KIFC2: variants seen among roughly 807,000 people sequenced by gnomAD.
The protein encoded by KIFC2 is kinesin family member C2.
Under a neutral mutation model 91.5 loss-of-function variants are expected in KIFC2, and 94 were observed. The ratio of observed to expected loss-of-function variants is 1.03; its 90% CI spans 0.87 to 1.22. The LOEUF (loss-of-function observed/expected upper bound fraction) is 1.22. KIFC2 is among the 50% of genes most tolerant of loss of function. The pLI is 0.00. For missense variants in KIFC2, 1,357 were observed against 1,103.3 expected (o/e 1.23, Z -3.26); for synonymous variants, 729 against 503.9 (o/e 1.45, Z -5.98).
chr8:144,473,719 A>C lies in KIFC2; in HGVS notation c.*330A>C. On this transcript the variant is annotated 3_prime_UTR_variant, in exon 18 of 18. Coordinates refer to ENST00000645548, the MANE Select transcript of KIFC2 (RefSeq NM_001369769.2). ...CCAAGTCACCACTCCTGACCCAAAAATCAGGCATGGCATTAAAACGTTGCA... is the reference window on the plus strand; with the variant it reads ...CCAAGTCACCACTCCTGACCCAAAACTCAGGCATGGCATTAAAACGTTGCA... The C allele has an allele frequency of 7.9e-5, 33 of 417,608 alleles. No individual in the cohort carries two copies. Among genetic ancestry groups the C allele is most frequent in the Non-Finnish European group, 1.1e-4 (25 of 235,872 alleles). The allele number at this position is 417,608 out of a possible 1,614,324, so 25.9% of individuals were successfully genotyped here. A position where few individuals can be genotyped will look rare whatever the true frequency, so the allele number is the denominator to read the frequency against.
chr8:144,467,605 G>A lies in KIFC2; in HGVS notation c.590G>A (p.Arg197Gln). The A allele has an allele frequency of 3.1e-6, 5 of 1,596,980 alleles. No homozygotes were observed. The East Asian group carries it at 6.7e-5, about 21-fold the overall frequency. The change falls in exon 5 of 18, where the codon CGG becomes CAG. Residue 197 changes from arginine (R) to glutamine (Q), a missense_variant. Physicochemically the swap from Arg to Gln is conservative, Grantham distance 43. Transcript: ENST00000645548. ...GAGGAGGATCAGAGGGCGTGGCAGC[G>A]GCTGGAGCAGCTCATCCTGGGACAG... ...QLEEDQRAWQ[R>Q]LEQLILGQLE...
At position 144,473,636 on chromosome 8, in the gene KIFC2, A is replaced by G; in HGVS notation, c.*247A>G. ...AGGTCTTGGCTTTCTCCTTATCACCATTTGCTGTTATCACGGCACACAGCA... is the reference window on the plus strand; with the variant it reads ...AGGTCTTGGCTTTCTCCTTATCACCGTTTGCTGTTATCACGGCACACAGCA... On this transcript the variant is annotated 3_prime_UTR_variant, in exon 18 of 18. Coordinates refer to ENST00000645548, the MANE Select transcript of KIFC2 (RefSeq NM_001369769.2). 2.0e-6 allele frequency: 1 copy of G among 508,514 alleles called. No homozygotes were observed. Among genetic ancestry groups the G allele is most frequent in the East Asian group, 3.5e-5 (1 of 28,354 alleles). 31.5% of individuals were successfully genotyped at this position (508,514 alleles called of 1,614,324 possible). A position where few individuals can be genotyped will look rare whatever the true frequency, so the allele number is the denominator to read the frequency against.
Position 144,473,857 on chromosome 8 carries a change from G to A in KIFC2, c.*468G>A. 5.2e-6 allele frequency: 2 copies of A among 386,978 alleles called. No individual in the cohort carries two copies. The highest frequency in any genetic ancestry group is 9.3e-6 in the Non-Finnish European group (2 of 214,874). The allele number at this position is 386,978 out of a possible 1,614,324, so 24.0% of individuals were successfully genotyped here. A position where few individuals can be genotyped will look rare whatever the true frequency, so the allele number is the denominator to read the frequency against. On this transcript the variant is annotated 3_prime_UTR_variant, in exon 18 of 18. Transcript: ENST00000645548. ...CTCCTTTCCAGACAGATGAGAGAGG[G>A]CAGGACTTCAGGCTGGATCCACCAC...
intron 12 of KIFC2, 107 bp from the exon 13 acceptor site, chr8:144,471,835 A>T: frequency 1.1e-6 from 1 of 920,910 alleles, no homozygotes; most frequent in Non-Finnish European, 1.8e-6. Flanking sequence ...CTCCCAGGAG[A>T]CTAGGCTCTG....
chr8:144,473,917 G>T lies in KIFC2; in HGVS notation c.*528G>T. 1 of 435,370 alleles carries T rather than the reference G, an allele frequency of 2.3e-6. No individual in the cohort carries two copies. The highest frequency in any genetic ancestry group is 4.1e-6 in the Non-Finnish European group (1 of 244,270). 27.0% of individuals were successfully genotyped at this position (435,370 alleles called of 1,614,324 possible). The stretch of plus-strand genomic sequence containing the variant: ...CCTCCCCCAGCCTGGAGCACGGGAG[G>T]GGAGGTGACGGCTGGTGACTGATGG... On this transcript the variant is annotated 3_prime_UTR_variant, in exon 18 of 18. Coordinates refer to ENST00000645548, the MANE Select transcript of KIFC2 (RefSeq NM_001369769.2).
chr8:144,469,542 G>A lies in KIFC2; in HGVS notation c.1275G>A (p.Val425=). The change falls in exon 12 of 18, where the codon GTG becomes GTA. Residue 425 remains valine, a synonymous_variant. Coordinates refer to ENST00000645548, the MANE Select transcript of KIFC2 (RefSeq NM_001369769.2). ...RLRPGTSSSL[V]SVEPGPGGTV... The stretch of plus-strand genomic sequence containing the variant: ...GGCCAGGGACATCTTCTAGCCTTGT[G>A]AGTGTGGAGCCTGGCCCAGGGGGCA... The A allele has an allele frequency of 1.2e-6, 2 of 1,613,872 alleles. No individual in the cohort carries two copies. The highest frequency in any genetic ancestry group is 1.7e-6 in the Non-Finnish European group (2 of 1,180,002).
At chr8:144,466,621 G>A in intron 1 of KIFC2, 103 bp downstream of exon 1, 1 of 862,902 alleles carries the variant, frequency 1.2e-6, no homozygotes, top group Non-Finnish European at 1.6e-6. Flanking sequence ...GGGCGACGGG[G>A]CCGTGCCGAG....
intron 11 of KIFC2, 38 bp from the exon 12 acceptor site, chr8:144,469,452 G>A: frequency 2.5e-6 from 4 of 1,613,658 alleles, no homozygotes; most frequent in Non-Finnish European, 2.5e-6. Flanking sequence ...GTGCTTTAGG[G>A]TCTGCGAGGC....
At position 144,467,981 on chromosome 8, in the gene KIFC2, TCCGCAGGTACTCTGCTC is replaced by T; in HGVS notation, c.808_810+14del. On this transcript the variant is annotated splice_donor_variant and splice_donor_5th_base_variant and coding_sequence_variant and intron_variant, in exon 7 of 18. Coordinates refer to ENST00000645548, the MANE Select transcript of KIFC2 (RefSeq NM_001369769.2). LOFTEE classifies it high-confidence loss of function. The stretch of plus-strand genomic sequence containing the variant: ...GGGGCCCCGGGCCCCCCATCAGGGC[TCCGCAGGTACTCTGCTC>T]CCGAGCTGCAGCCGTTCCTGCAGCC... 2 of 1,562,718 alleles carry T rather than the reference TCCGCAGGTACTCTGCTC, an allele frequency of 1.3e-6. No homozygotes were observed. Among genetic ancestry groups the T allele is most frequent in the Non-Finnish European group, 1.7e-6 (2 of 1,160,802 alleles).
At chr8:144,469,679 C>G (rs548505922) in intron 12 of KIFC2, 32 bp downstream of exon 12, 4 of 1,553,970 alleles carry the variant, frequency 2.6e-6, no homozygotes, top group Non-Finnish European at 3.5e-6. Context: ...CATCCTGACC[C>G]TTTTTCAGAG....
chr8:144,468,936 C>T lies in KIFC2; in HGVS notation c.1113+102C>T, dbSNP rs552248000. On this transcript the variant is annotated intron_variant, in intron 10 of 17. Coordinates refer to ENST00000645548, the MANE Select transcript of KIFC2 (RefSeq NM_001369769.2). ...GAGTTGGCTGTACTAATAAGTGGGG[C>T]TCTGGAACCCAAACAGCTTCTGTGT... The T allele has an allele frequency of 1.5e-5, 14 of 911,694 alleles. No homozygotes were observed. In the African/African-American group the frequency reaches 2.2e-4, roughly 14 times the overall value. The allele number at this position is 911,694 out of a possible 1,614,324, so 56.5% of individuals were successfully genotyped here.
chr8:144,473,310 C>A lies in KIFC2; in HGVS notation c.2297C>A (p.Ser766Tyr), dbSNP rs538898394. 1 of 1,603,788 alleles carries A rather than the reference C, an allele frequency of 6.2e-7. No homozygotes were observed. Among genetic ancestry groups the A allele is most frequent in the South Asian group, 1.1e-5 (1 of 89,426 alleles). The part of the protein sequence containing the change: ...LTGTPCTPTP[S>Y]PGSPPCPSPD... The stretch of plus-strand genomic sequence containing the variant: ...GGGACCCCCTGCACCCCTACGCCGT[C>A]CCCTGGCAGTCCTCCATGCCCCAGT... The change falls in exon 18 of 18, where the codon TCC (serine) becomes TAC (tyrosine). Residue 766 changes from serine (S) to tyrosine (Y), a missense_variant. Physicochemically the swap from Ser to Tyr is moderately radical, Grantham distance 144 (BLOSUM62 -2). Coordinates refer to ENST00000645548, the MANE Select transcript of KIFC2 (RefSeq NM_001369769.2).
At chr8:144,468,124 C>T (rs1418123966) in intron 7 of KIFC2, 137 bp downstream of exon 7, 20 of 1,202,548 alleles carry the variant, frequency 1.7e-5, no homozygotes, top group Middle Eastern at 5.4e-4. Context: ...AGGCTGATGC[C>T]AATGGGAAGA....
intron 10 of KIFC2, 94 bp downstream of exon 10, chr8:144,468,928 A>C: frequency 9.8e-7 from 1 of 1,024,600 alleles, no homozygotes; most frequent in Non-Finnish European, 1.5e-6. Context: ...CTGTACTAAT[A>C]AGTGGGGCTC....
At chr8:144,469,403 C>T (rs777821498) in intron 11 of KIFC2, 24 bp downstream of exon 11, 34 of 1,611,112 alleles carry the variant, frequency 2.1e-5, no homozygotes, top group Non-Finnish European at 2.5e-5. Flanking sequence ...GGGAGCCTAG[C>T]GGGGCAGGGA....
chr8:144,467,790 A>C lies in KIFC2; in HGVS notation c.681+11A>C, dbSNP rs201359943. ...CTGCGCCTGGGCGTGGTGAGGCTGCAGGGAGACCTGGCAGGGCCGGGCATG... is the reference window on the plus strand; with the variant it reads ...CTGCGCCTGGGCGTGGTGAGGCTGCCGGGAGACCTGGCAGGGCCGGGCATG... On this transcript the variant is annotated intron_variant, in intron 6 of 17. Coordinates refer to ENST00000645548, the MANE Select transcript of KIFC2 (RefSeq NM_001369769.2). 1.2e-6 allele frequency: 2 copies of C among 1,613,658 alleles called. No individual in the cohort carries two copies. The highest frequency in any genetic ancestry group is 1.3e-5 in the African/African-American group (1 of 75,056).
chr8:144,469,866 C>T (rs575230273), intron 12 of KIFC2, among the ~76,000 whole-genome samples: 1 of 152,236 alleles, frequency 6.6e-6, no homozygotes, highest in Non-Finnish European at 1.5e-5. Flanking sequence ...TGCCCACTCC[C>T]CTTTGCTGGG....
At chr8:144,470,904 G>GT (rs1347795835) in intron 12 of KIFC2, among the ~76,000 whole-genome samples, 2 of 152,220 alleles carry the variant, frequency 1.3e-5, no homozygotes, top group African/African-American at 4.8e-5. Context: ...AGGCCAATGA[G>GT]TAAGCTCCAA....
chr8:144,469,673 C>T (rs1401419652), intron 12 of KIFC2, 26 bp downstream of exon 12: 1 of 1,561,116 alleles, frequency 6.4e-7, no homozygotes, highest in Non-Finnish European at 8.6e-7. Flanking sequence ...TGCAGCCATC[C>T]TGACCCTTTT....
Sources: allele counts gnomAD v4.1 joint callset (sites outside exome capture counted in the v4.1 genomes callset), GRCh38; gene constraint gnomAD v4.1.1; transcripts MANE v1.5; gene names NCBI Gene and HGNC (gene_info 2026-07-23, HGNC 2026-07-21).